Variants in RIGI observed in about 807,000 individuals in gnomAD.
RIGI encodes antiviral innate immune response receptor RIG-I.
chr9:32,477,900 G>A, the RIGI span, among the ~76,000 whole-genome samples: 27 of 151,930 alleles, frequency 1.8e-4, no homozygotes, highest in East Asian at 5.1e-3. Flanking sequence ...ACTACAGCCT[G>A]GGAAAGAGAA....
the RIGI span, among the ~76,000 whole-genome samples, chr9:32,460,686 A>T: frequency 6.6e-6 from 1 of 152,212 alleles, no homozygotes. Context: ...GGCTTTCCAT[A>T]GCAGAATGGA....
chr9:32,483,553 C>T, the RIGI span, among the ~76,000 whole-genome samples: 5,050 of 152,234 alleles, frequency 0.033, 275 homozygotes, highest in African/African-American at 0.11. Context: ...CATCAGTGTG[C>T]TGCTGGATAA....
At chr9:32,512,107 A>G in the RIGI span, among the ~76,000 whole-genome samples, 18 of 152,352 alleles carry the variant, frequency 1.2e-4, no homozygotes, top group East Asian at 3.5e-3. Flanking sequence ...GCCCAGGACC[A>G]GATGGATTCA....
chr9:32,507,755 C>A, the RIGI span, among the ~76,000 whole-genome samples: 1 of 152,082 alleles, frequency 6.6e-6, no homozygotes, highest in South Asian at 2.1e-4. Context: ...AAGCAATCCT[C>A]CCACCTCAGG....
the RIGI span, among the ~76,000 whole-genome samples, chr9:32,461,367 C>T: frequency 1.3e-5 from 2 of 152,224 alleles, no homozygotes; most frequent in African/African-American, 4.8e-5. Flanking sequence ...AGAAAGAACA[C>T]ACTGATTTCC....
At chr9:32,504,328 C>A in the RIGI span, among the ~76,000 whole-genome samples, 3 of 152,048 alleles carry the variant, frequency 2.0e-5, no homozygotes, top group African/African-American at 4.8e-5. Context: ...AGTTTTATAT[C>A]CAGCCATAAC....
the RIGI span, among the ~76,000 whole-genome samples, chr9:32,469,723 T>C: frequency 6.6e-6 from 1 of 152,244 alleles, no homozygotes; most frequent in African/African-American, 2.4e-5. Flanking sequence ...ATTGTCTGAA[T>C]ACAGTGTGAA....
chr9:32,487,671 A>G, the RIGI span: 1 of 1,601,390 alleles, frequency 6.2e-7, no homozygotes, highest in Non-Finnish European at 8.5e-7. Context: ...TGTCTGAGAA[A>G]TGGTACAATG....
chr9:32,503,014 G>C, the RIGI span, among the ~76,000 whole-genome samples: 1 of 152,110 alleles, frequency 6.6e-6, no homozygotes, highest in African/African-American at 2.4e-5. Context: ...TTTGGGTAGG[G>C]GGACACAATT....
the RIGI span, among the ~76,000 whole-genome samples, chr9:32,524,610 T>G: frequency 2.7e-4 from 36 of 133,816 alleles, 1 homozygote; most frequent in East Asian, 5.8e-3. Context: ...TTTTTTTTTT[T>G]TTTTTTTTTT....
the RIGI span, chr9:32,487,450 T>C: frequency 2.4e-5 from 38 of 1,612,078 alleles, no homozygotes; most frequent in Non-Finnish European, 3.1e-5. Context: ...TCTCAAAGGC[T>C]TGTTATTGGA....
the RIGI span, among the ~76,000 whole-genome samples, chr9:32,506,911 A>C: frequency 2.0e-5 from 3 of 152,218 alleles, no homozygotes; most frequent in Non-Finnish European, 4.4e-5. Flanking sequence ...ATAAATTCTG[A>C]TTAAAAGCTT....
chr9:32,465,427 G>A, the RIGI span, among the ~76,000 whole-genome samples: 4 of 152,120 alleles, frequency 2.6e-5, no homozygotes, highest in Admixed American at 2.6e-4. Flanking sequence ...TAAACTGTAA[G>A]GTTCATCTTC....
At chr9:32,521,721 G>T in the RIGI span, among the ~76,000 whole-genome samples, 2 of 151,872 alleles carry the variant, frequency 1.3e-5, no homozygotes, top group African/African-American at 2.4e-5. Flanking sequence ...CTTCCTTTGG[G>T]TTATATTTGT....
At chr9:32,488,723 A>G in the RIGI span, 2 of 1,595,666 alleles carry the variant, frequency 1.3e-6, no homozygotes, top group African/African-American at 1.3e-5. Flanking sequence ...TGAAGCAACT[A>G]TTATACCTAC....
the RIGI span, among the ~76,000 whole-genome samples, chr9:32,503,035 C>T: frequency 1.3e-5 from 2 of 152,146 alleles, no homozygotes; most frequent in South Asian, 2.1e-4. Flanking sequence ...CAACTCATAA[C>T]AGCAACCTAT....
At chr9:32,489,358 A>T in the RIGI span, 30 of 1,611,384 alleles carry the variant, frequency 1.9e-5, no homozygotes, top group Non-Finnish European at 2.5e-5. Flanking sequence ...AGGAGCACAT[A>T]TTATTGTGTT....
the RIGI span, chr9:32,480,391 T>G: frequency 1.8e-5 from 27 of 1,541,078 alleles, no homozygotes; most frequent in Non-Finnish European, 2.4e-5. Flanking sequence ...ATGCTTCCAA[T>G]GTCTAACACA....
the RIGI span, among the ~76,000 whole-genome samples, chr9:32,478,800 T>C: frequency 6.6e-6 from 1 of 150,880 alleles, no homozygotes; most frequent in South Asian, 2.1e-4. Context: ...GCTCAAGTAA[T>C]CCACCCACCT....
Sources: gnomAD v4.1 joint callset for allele counts (sites outside exome capture counted in the v4.1 genomes callset) on GRCh38, gnomAD v4.1.1 for gene constraint, MANE v1.5 for transcripts, NCBI Gene and HGNC (gene_info 2026-07-23, HGNC 2026-07-21) for gene names.